Variants in TMEM117 observed in about 807,000 individuals in gnomAD.
TMEM117 encodes transmembrane protein 117.
In TMEM117, 27 loss-of-function variants were observed where a neutral mutation model predicts 52.4. That is an observed-to-expected ratio of 0.51 (90% CI 0.38 to 0.71). The LOEUF is 0.71. Among genes scored for constraint, TMEM117 ranks in the 30% least tolerant of loss-of-function variants. TMEM117 has a pLI of 0.00. For synonymous variants in TMEM117, 215 were observed against 206.3 expected, an observed-to-expected ratio of 1.04 and a Z score of -0.36; for missense variants, 556 against 630.5, an observed-to-expected ratio of 0.88 and a Z score of 1.26.
At chr12:44,204,723 G>T (rs1051354576) in intron 4 of TMEM117, among the ~76,000 whole-genome samples, 1 of 152,088 alleles carries the variant, frequency 6.6e-6, no homozygotes, top group South Asian at 2.1e-4. Flanking sequence ...CAGTGGAACA[G>T]GTTAGAGAAC....
At chr12:43,810,596 T>C in the TMEM117 span, among the ~76,000 whole-genome samples, 17 of 152,106 alleles carry the variant, frequency 1.1e-4, no homozygotes, top group Non-Finnish European at 2.5e-4. Flanking sequence ...TTGTTTGTTT[T>C]GTTCAGATCT....
At chr12:44,146,784 T>C (rs1185562695) in intron 4 of TMEM117, among the ~76,000 whole-genome samples, 1 of 152,216 alleles carries the variant, frequency 6.6e-6, no homozygotes. Flanking sequence ...ATATCAATGA[T>C]GAGGGTGACT....
chr12:43,799,637 TTTTAC>T, the TMEM117 span: 4 of 516,760 alleles, frequency 7.7e-6, no homozygotes, highest in Non-Finnish European at 1.3e-5. Context: ...TTTAATATCT[TTTTAC>T]TTTTCTTTAA....
chr12:43,802,516 G>T, the TMEM117 span: 1 of 1,331,322 alleles, frequency 7.5e-7, no homozygotes, highest in Non-Finnish European at 1.1e-6. Flanking sequence ...GATATCAAGT[G>T]GTAGTGTGAT....
At position 44,100,002 on chromosome 12, in the gene TMEM117, G is replaced by T. The variant is rs545514478; in HGVS notation, c.411-43523G>T. ...ATATCAGACTAAAAAAAAGCCTTTG[G>T]GGGTGTTTCAAATTGTATTAAAATT... On this transcript the variant is annotated intron_variant, in intron 3 of 7. Transcript: ENST00000266534. Among the ~76,000 whole-genome samples, 3 of 152,010 alleles carry T rather than the reference G, an allele frequency of 2.0e-5. No individual in the cohort carries two copies. The South Asian group carries it at 6.2e-4, about 32-fold the overall frequency.
intron 6 of TMEM117, among the ~76,000 whole-genome samples, chr12:44,338,042 C>T (rs569824096): frequency 2.6e-5 from 4 of 151,816 alleles, no homozygotes; most frequent in Admixed American, 2.0e-4. Flanking sequence ...AGAGCTAAAG[C>T]TTTCAGAATC....
rs1950477488 is a variant in TMEM117 at position 44,273,695 on chromosome 12, A to G, written c.609-25885A>G. ...ATCAATCAGTGTGATATATCATGTC[A>G]GCAGAATGAAGGACAAAATCATATG... is the stretch of plus-strand genomic sequence containing the variant. On this transcript the variant is annotated intron_variant, in intron 5 of 7. Coordinates refer to ENST00000266534, the MANE Select transcript of TMEM117 (RefSeq NM_032256.3). Among the ~76,000 whole-genome samples the G allele has an allele frequency of 2.0e-5, 3 of 152,272 alleles. No homozygotes were observed. In the South Asian group the frequency reaches 6.2e-4, roughly 32 times the overall value.
chr12:43,962,107 AT>A (rs1238590604), intron 3 of TMEM117, among the ~76,000 whole-genome samples: 7 of 152,222 alleles, frequency 4.6e-5, no homozygotes, highest in Non-Finnish European at 7.3e-5. Context: ...ACTGTTATAC[AT>A]TATCCTTGCT....
At chr12:43,947,248 T>C (rs1239036736) in intron 3 of TMEM117, among the ~76,000 whole-genome samples, 1 of 152,132 alleles carries the variant, frequency 6.6e-6, no homozygotes, top group Non-Finnish European at 1.5e-5. Flanking sequence ...GGCAGGAGGA[T>C]TGCTTGAGCT....
At chr12:43,973,569 A>T (rs1242343346) in intron 3 of TMEM117, among the ~76,000 whole-genome samples, 3 of 152,212 alleles carry the variant, frequency 2.0e-5, no homozygotes, top group African/African-American at 7.2e-5. Context: ...GCGAGTGTAC[A>T]AGGAATTTTC....
chr12:44,236,050 A>G (rs1004096931), intron 5 of TMEM117, among the ~76,000 whole-genome samples: 1 of 151,812 alleles, frequency 6.6e-6, no homozygotes, highest in East Asian at 1.9e-4. Flanking sequence ...TCTCTTTTAT[A>G]ATGGCATGCC....
intron 4 of TMEM117, among the ~76,000 whole-genome samples, chr12:44,158,534 G>C (rs1948858037): frequency 6.6e-6 from 1 of 152,164 alleles, no homozygotes; most frequent in Non-Finnish European, 1.5e-5. Flanking sequence ...CACTTGACAA[G>C]ACTCCACACA....
chr12:44,333,513 G>A (rs1185832290), intron 6 of TMEM117, among the ~76,000 whole-genome samples: 1 of 151,944 alleles, frequency 6.6e-6, no homozygotes, highest in South Asian at 2.1e-4. Flanking sequence ...CCCCCATGCT[G>A]TAATCATGAT....
chr12:44,312,068 T>G (rs1950997771), intron 6 of TMEM117, among the ~76,000 whole-genome samples: 1 of 151,748 alleles, frequency 6.6e-6, no homozygotes, highest in East Asian at 1.9e-4. Flanking sequence ...TAATTTCAAC[T>G]TTTATTTTAG....
the TMEM117 span, among the ~76,000 whole-genome samples, chr12:43,827,712 G>C: frequency 6.6e-6 from 1 of 152,110 alleles, no homozygotes; most frequent in African/African-American, 2.4e-5. Flanking sequence ...AAAATGTGAT[G>C]TAGTGGGCTG....
intron 6 of TMEM117, among the ~76,000 whole-genome samples, chr12:44,367,619 A>G (rs1266289398): frequency 1.3e-5 from 2 of 152,066 alleles, no homozygotes; most frequent in East Asian, 3.9e-4. Context: ...GCCTTAGATC[A>G]ATAGACTGGT....
At chr12:44,052,691 G>A (rs903532897) in intron 3 of TMEM117, among the ~76,000 whole-genome samples, 2 of 152,136 alleles carry the variant, frequency 1.3e-5, no homozygotes, top group Admixed American at 6.5e-5. Flanking sequence ...GTCAAGTGTG[G>A]CCCACGTCTG....
At chr12:43,881,844 C>G (rs989010699) in intron 2 of TMEM117, among the ~76,000 whole-genome samples, 9 of 150,182 alleles carry the variant, frequency 6.0e-5, no homozygotes, top group Non-Finnish European at 1.2e-4. Context: ...CCTGTAATCC[C>G]AGCACTTTGG....
At chr12:44,040,376 T>C (rs936686863) in intron 3 of TMEM117, among the ~76,000 whole-genome samples, 5 of 152,182 alleles carry the variant, frequency 3.3e-5, no homozygotes, top group Admixed American at 3.3e-4. Flanking sequence ...AGAATTCCAC[T>C]GTTTAGTTTC....
Sources: allele counts gnomAD v4.1 joint callset (sites outside exome capture counted in the v4.1 genomes callset), GRCh38; gene constraint gnomAD v4.1.1; transcripts MANE v1.5; gene names NCBI Gene and HGNC (gene_info 2026-07-23, HGNC 2026-07-21).